Variants in UGT1A10 observed in about 807,000 individuals in gnomAD.
UGT1A10 encodes UDP-glucuronosyltransferase 1A10.
Under a neutral mutation model 45.8 loss-of-function variants are expected in UGT1A10, and 49 were observed. The observed-to-expected ratio is 1.07, with a 90% CI of 0.85 to 1.36. UGT1A10 has a LOEUF of 1.36. Ranked by LOEUF, UGT1A10 falls within the 40% of genes most tolerant of loss-of-function variation. The pLI, the probability that UGT1A10 is intolerant of heterozygous loss-of-function variation, is 0.00. For missense variants in UGT1A10, 745 were observed against 668.6 expected, an observed-to-expected ratio of 1.11 and a Z score of -1.26; for synonymous variants, 284 against 249.7, an observed-to-expected ratio of 1.14 and a Z score of -1.29.
intron 1 of UGT1A10, chr2:233,717,713 A>T: frequency 2.4e-5 from 11 of 453,290 alleles, no homozygotes; most frequent in South Asian, 1.7e-4. Flanking sequence ...GACGAGCCTC[A>T]TGGGCATGAG....
rs760907397 is a variant in UGT1A10 at position 233,761,080 on chromosome 2, C to G, written c.856-5954C>G. 1.2e-6 allele frequency: 2 copies of G among 1,614,034 alleles called. No individual in the cohort carries two copies. The highest frequency in any genetic ancestry group is 1.7e-6 in the Non-Finnish European group (2 of 1,180,026). On this transcript the variant is annotated intron_variant, in intron 1 of 4. Coordinates refer to ENST00000344644, the MANE Select transcript of UGT1A10 (RefSeq NM_019075.4). Reference sequence around the variant, plus strand: ...TAGAAGTGACTTTGTGAAGGATTACCCTAGGCCCATCATGCCCAATATGGT... The same window carrying G: ...TAGAAGTGACTTTGTGAAGGATTACGCTAGGCCCATCATGCCCAATATGGT...
At chr2:233,747,483 C>G (rs993277218) in intron 1 of UGT1A10, 3 of 1,608,496 alleles carry the variant, frequency 1.9e-6, no homozygotes, top group Non-Finnish European at 1.7e-6. Flanking sequence ...TGAATTTGAT[C>G]GCCTTGTGCT....
intron 1 of UGT1A10, among the ~76,000 whole-genome samples, chr2:233,640,211 A>G (rs1307706486): frequency 6.6e-6 from 1 of 152,226 alleles, no homozygotes; most frequent in African/African-American, 2.4e-5. Flanking sequence ...TTTCAAACAT[A>G]CAAAATGAAA....
intron 1 of UGT1A10, among the ~76,000 whole-genome samples, chr2:233,653,330 C>T (rs1184501294): frequency 1.3e-5 from 2 of 152,126 alleles, no homozygotes; most frequent in African/African-American, 2.4e-5. Flanking sequence ...TCTTTGCAAG[C>T]GTAAACCCTC....
At chr2:233,729,824 G>C in intron 1 of UGT1A10, 1 of 1,613,884 alleles carries the variant, frequency 6.2e-7, no homozygotes, top group South Asian at 1.1e-5. Flanking sequence ...CCTTATGCAA[G>C]CCTTGCCTCT....
chr2:233,664,225 A>G (rs1320393010), intron 1 of UGT1A10, among the ~76,000 whole-genome samples: 1 of 152,170 alleles, frequency 6.6e-6, no homozygotes, highest in Non-Finnish European at 1.5e-5. Context: ...GGTCACAAGC[A>G]TTTAACCAGT....
intron 1 of UGT1A10, among the ~76,000 whole-genome samples, chr2:233,766,243 G>T (rs1253047551): frequency 1.3e-5 from 2 of 152,008 alleles, no homozygotes; most frequent in Non-Finnish European, 2.9e-5. Flanking sequence ...GTTTCCCCTG[G>T]AGTCAGACCG....
intron 1 of UGT1A10, among the ~76,000 whole-genome samples, chr2:233,686,027 A>G (rs2074769498): frequency 6.6e-6 from 1 of 152,198 alleles, no homozygotes; most frequent in African/African-American, 2.4e-5. Flanking sequence ...TCATGGTGCC[A>G]AGAGCATTGA....
intron 1 of UGT1A10, among the ~76,000 whole-genome samples, chr2:233,720,026 G>A (rs1302050187): frequency 6.6e-6 from 1 of 152,126 alleles, no homozygotes; most frequent in Non-Finnish European, 1.5e-5. Flanking sequence ...TGGGGTTTTT[G>A]CTTGCCTGAT....
At chr2:233,747,450 T>G in intron 1 of UGT1A10, 1 of 1,609,050 alleles carries the variant, frequency 6.2e-7, no homozygotes, top group South Asian at 1.1e-5. Context: ...CCTGACAACC[T>G]ATGCCATTTC....
chr2:233,672,302 A>G (rs747137534), intron 1 of UGT1A10: 1 of 1,613,810 alleles, frequency 6.2e-7, no homozygotes, highest in Non-Finnish European at 8.5e-7. Context: ...TTTTTTTCAA[A>G]TTGCAGGAGT....
chr2:233,648,769 G>T, intron 1 of UGT1A10: 5 of 769,056 alleles, frequency 6.5e-6, no homozygotes, highest in Non-Finnish European at 8.1e-6. Flanking sequence ...CAGCCTGGAT[G>T]CCATGACTTT....
chr2:233,730,135 G>GA lies in UGT1A10; in HGVS notation c.856-36898dup, dbSNP rs1299530262. ...TCTCCTTGTCATAATAGCCTTCAGT[G>GA]AGATAAACTGTTAAGGGGTCTCTAG... On this transcript the variant is annotated intron_variant, in intron 1 of 4. Coordinates refer to ENST00000344644, the MANE Select transcript of UGT1A10 (RefSeq NM_019075.4). 3.8e-5 allele frequency: 58 copies of GA among 1,528,822 alleles called. No homozygotes were observed. In the African/African-American group the frequency reaches 8.0e-4, roughly 21 times the overall value. 94.7% of individuals were successfully genotyped at this position (1,528,822 alleles called of 1,614,324 possible).
chr2:233,725,050 GGCGGC>G (rs1446424996), intron 1 of UGT1A10, among the ~76,000 whole-genome samples: 4 of 147,892 alleles, frequency 2.7e-5, no homozygotes, highest in African/African-American at 1.0e-4. Context: ...AGTCAGGCGT[GGCGGC>G]GCGCGCCTGC....
intron 1 of UGT1A10, chr2:233,719,320 T>C (rs1246045139): frequency 6.8e-6 from 11 of 1,613,984 alleles, no homozygotes; most frequent in Non-Finnish European, 8.5e-6. Context: ...TACCTGTCGA[T>C]TCCTGCTGTG....
chr2:233,755,070 C>G, intron 1 of UGT1A10: 1 of 1,336,550 alleles, frequency 7.5e-7, no homozygotes, highest in African/African-American at 1.5e-5. Flanking sequence ...CTCGCCATAG[C>G]GGTCATAGAT....
chr2:233,661,627 C>CTTTCTTTT (rs2073966879), intron 1 of UGT1A10, among the ~76,000 whole-genome samples: 1 of 106,136 alleles, frequency 9.4e-6, no homozygotes, highest in Non-Finnish European at 2.1e-5. Context: ...ACTGAATTTT[C>CTTTCTTTT]TTTCTTTCTT....
intron 1 of UGT1A10, among the ~76,000 whole-genome samples, chr2:233,728,166 GGAACCATTCTTATCAGAACTT>G (rs1169648713): frequency 6.6e-6 from 1 of 152,212 alleles, no homozygotes; most frequent in Non-Finnish European, 1.5e-5. Flanking sequence ...CTGTTCTGGA[GGAACCATTCTTATCAGAACTT>G]GGTGCTGGAT....
intron 1 of UGT1A10, among the ~76,000 whole-genome samples, chr2:233,667,302 A>G (rs2074099363): frequency 6.6e-6 from 1 of 152,198 alleles, no homozygotes; most frequent in African/African-American, 2.4e-5. Flanking sequence ...TATTTAATAA[A>G]TGGTGCTGGG....
Sources: gnomAD v4.1 joint callset for allele counts (sites outside exome capture counted in the v4.1 genomes callset) on GRCh38, gnomAD v4.1.1 for gene constraint, MANE v1.5 for transcripts, NCBI Gene and HGNC (gene_info 2026-07-23, HGNC 2026-07-21) for gene names.